DQX1: variants seen among roughly 807,000 people sequenced by gnomAD.
The protein encoded by DQX1 is ATP-dependent RNA helicase homolog DQX1.
A neutral mutation model predicts 81.3 loss-of-function variants in DQX1; 66 were observed. The observed-to-expected ratio is 0.81, with a 90% confidence interval of 0.67 to 1.00. The LOEUF (loss-of-function observed/expected upper bound fraction) is 1.00, where lower values mean the gene tolerates loss of function less well. DQX1 is among the 50% of genes least tolerant of loss of function. The pLI is 0.00. For missense variants in DQX1, 798 were observed against 867.9 expected, an observed-to-expected ratio of 0.92 and a Z score of 1.01; for synonymous variants, 290 against 350.0, an observed-to-expected ratio of 0.83 and a Z score of 1.91.
In DQX1 at chr2:74,519,677, A is replaced by T. The variant is rs764526320; in HGVS notation, c.1685T>A (p.Leu562His). 6.2e-7 allele frequency: 1 copy of T among 1,614,192 alleles called. No individual in the cohort carries two copies. The highest frequency in any genetic ancestry group is 8.5e-7 in the Non-Finnish European group (1 of 1,180,030). The change falls in exon 10 of 12, where the codon CTT becomes CAT. Residue 562 changes from leucine to histidine, a missense_variant. Coordinates refer to ENST00000404568, the MANE Select transcript of DQX1 (RefSeq NM_133637.3). Reference sequence around the variant, plus strand: ...CATGAGTTCTAGGAGTTCTCCCCGAAGTTTATGGGCTTGGCACAATGCTGC... The same window carrying T: ...CATGAGTTCTAGGAGTTCTCCCCGATGTTTATGGGCTTGGCACAATGCTGC... ...NWAALCQAHK[L>H]RGELLELMQR...
At position 74,522,852 on chromosome 2, in the gene DQX1, T is replaced by C. The variant is rs1329394882; in HGVS notation, c.1303+4A>G. ...GGCAGTGCTTGGGCAGGAGAGGTGCTCACCAGGCTGGTCCAGGAAGTGACA... is the reference window on the plus strand; with the variant it reads ...GGCAGTGCTTGGGCAGGAGAGGTGCCCACCAGGCTGGTCCAGGAAGTGACA... On this transcript the variant is annotated splice_donor_region_variant and intron_variant, in intron 7 of 11. Coordinates refer to ENST00000404568, the MANE Select transcript of DQX1 (RefSeq NM_133637.3). The C allele has an allele frequency of 6.2e-7, 1 of 1,612,948 alleles. No homozygotes were observed. The highest frequency in any genetic ancestry group is 8.5e-7 in the Non-Finnish European group (1 of 1,179,124).
chr2:74,524,450 A>G (rs1675120099), intron 3 of DQX1, 143 bp from the exon 4 acceptor site: 2 of 1,201,634 alleles, frequency 1.7e-6, no homozygotes, highest in Middle Eastern at 2.9e-4. Flanking sequence ...CTATGGACCC[A>G]TAACTGTCAC....
chr2:74,523,136 G>C lies in DQX1; in HGVS notation c.1127C>G (p.Ala376Gly). 1 of 1,614,186 alleles carries C rather than the reference G, an allele frequency of 6.2e-7. No homozygotes were observed. The highest frequency in any genetic ancestry group is 1.1e-5 in the South Asian group (1 of 91,086). Residue 376 changes from alanine (A) to glycine (G), a missense_variant, in exon 6 of 12, where the codon GCA (alanine) becomes GGA (glycine). Physicochemically the swap from Ala to Gly is moderately conservative, Grantham distance 60. Transcript: ENST00000404568. The part of the protein sequence containing the change: ...KCQAEARRLR[A>G]RGFPPGSCLC... The stretch of plus-strand genomic sequence containing the variant: ...GCTCTTACCTGGTGGGAACCCTCTT[G>C]CTCGCAATCGTCTTGCCTCTGCCTG...
chr2:74,523,751 A>G, intron 4 of DQX1, 172 bp downstream of exon 4: 1 of 1,142,868 alleles, frequency 8.7e-7, no homozygotes, highest in Non-Finnish European at 1.2e-6. Flanking sequence ...CTTTACCCTG[A>G]AATCCTCAAG....
Position 74,525,631 on chromosome 2 carries a change from G to A in DQX1, c.99C>T (p.Ser33=), listed in dbSNP as rs1161626565. The A allele has an allele frequency of 1.3e-6, 2 of 1,551,780 alleles. No individual in the cohort carries two copies. The highest frequency in any genetic ancestry group is 2.4e-5 in the East Asian group (1 of 40,920). The part of the protein sequence containing the change: ...VNPFDGLPFS[S]RYYELLKQRQ... Reference sequence around the variant, plus strand: ...GCTGCTTCAGCAGCTCATAGTAGCGGGAAGAGAAGGGAAGCCCATCAAAGG... The same window carrying A: ...GCTGCTTCAGCAGCTCATAGTAGCGAGAAGAGAAGGGAAGCCCATCAAAGG... Residue 33 remains serine (S), a synonymous_variant, in exon 2 of 12, where the codon TCC becomes TCT. Coordinates refer to ENST00000404568, the MANE Select transcript of DQX1 (RefSeq NM_133637.3). The surrounding 1 kb of genome is among the most constrained non-coding windows in gnomAD (Gnocchi z 4.1).
At chr2:74,524,690 G>A (rs1675126084) in intron 3 of DQX1, among the ~76,000 whole-genome samples, 1 of 152,110 alleles carries the variant, frequency 6.6e-6, no homozygotes, top group Non-Finnish European at 1.5e-5. Flanking sequence ...CTTGAGCCCA[G>A]GAGTTTGAGA....
rs1674936213 is a variant in DQX1, at chr2:74,518,144, A to T, written c.*302T>A. The stretch of plus-strand genomic sequence containing the variant: ...CCAAACTAAAACTTGGCATCATAGA[A>T]AAATCTTTTATAGATCACAAGGGAG... On this transcript the variant is annotated 3_prime_UTR_variant, in exon 12 of 12. Coordinates refer to ENST00000404568, the MANE Select transcript of DQX1 (RefSeq NM_133637.3). 7.0e-6 allele frequency: 2 copies of T among 284,808 alleles called. No individual in the cohort carries two copies. Among genetic ancestry groups the T allele is most frequent in the Middle Eastern group, 1.0e-3 (1 of 980 alleles). 17.6% of individuals were successfully genotyped at this position (284,808 alleles called of 1,614,324 possible).
chr2:74,522,436 T>C, intron 8 of DQX1, 144 bp downstream of exon 8: 1 of 934,998 alleles, frequency 1.1e-6, no homozygotes, highest in East Asian at 2.6e-5. Context: ...AAGAGGGAGA[T>C]GGGTGACTAA....
rs753784679 is a variant in DQX1, at chr2:74,522,822, C to T, written c.1303+34G>A. The T allele has an allele frequency of 3.1e-6, 5 of 1,612,202 alleles. No individual in the cohort carries two copies. The East Asian group carries it at 1.1e-4, about 36-fold the overall frequency. On this transcript the variant is annotated intron_variant, in intron 7 of 11. Coordinates refer to ENST00000404568, the MANE Select transcript of DQX1 (RefSeq NM_133637.3). ...ATATGAAGTTTCAGAACTGGGTGGT[C>T]AGATGGCAGTGCTTGGGCAGGAGAG... is the stretch of plus-strand genomic sequence containing the variant.
chr2:74,524,363 A>G, intron 3 of DQX1, 56 bp from the exon 4 acceptor site: 1 of 1,547,070 alleles, frequency 6.5e-7, no homozygotes. Context: ...CAGCCCCACA[A>G]GCTCAGGGAA....
Position 74,518,470 on chromosome 2 carries a change from GAACTCC to G in DQX1, c.2124_2129del (p.Gln708_Phe710delinsHis). The G allele has an allele frequency of 2.5e-6, 4 of 1,614,218 alleles. No homozygotes were observed. The highest frequency in any genetic ancestry group is 3.4e-6 in the Non-Finnish European group (4 of 1,180,044). ...GTCACTGCAGGACACAGGGATCTCT[GAACTCC>G]TGGGCTGAGGATGATTTGCTCCCTG... On this transcript the variant is annotated inframe_deletion, in exon 12 of 12. Transcript: ENST00000404568.
chr2:74,518,734 A>G, intron 11 of DQX1, 132 bp from the exon 12 acceptor site: 1 of 885,350 alleles, frequency 1.1e-6, no homozygotes, highest in Non-Finnish European at 1.7e-6. Flanking sequence ...GTAGCCTTAG[A>G]CTCCCGTAAT....
chr2:74,523,402 G>C lies in DQX1; in HGVS notation c.952C>G (p.Arg318Gly), dbSNP rs573451528. ...VQAVYEDMDA[R>G]KVVVTHWLAD... ...AGCCAGTGAGTGACCACAACCTTTCGGGCATCCATGTCCTCATACACAGCC... is the reference window on the plus strand; with the variant it reads ...AGCCAGTGAGTGACCACAACCTTTCCGGCATCCATGTCCTCATACACAGCC... The change falls in exon 5 of 12, where the codon CGA becomes GGA. Residue 318 changes from arginine to glycine, a missense_variant. Coordinates refer to ENST00000404568, the MANE Select transcript of DQX1 (RefSeq NM_133637.3). The C allele has an allele frequency of 1.2e-6, 2 of 1,614,110 alleles. No homozygotes were observed. The highest frequency in any genetic ancestry group is 1.7e-5 in the Admixed American group (1 of 60,016).
chr2:74,525,174 A>G lies in DQX1; in HGVS notation c.266T>C (p.Leu89Pro), dbSNP rs1675139995. ...CTGTCCTTTCTGGAACCCTCTGGCC[A>G]GCGCAAACTCTGCACACCACTGAGG... ...QIPQWCAEFA[L>P]ARGFQKGQVT... The change falls in exon 3 of 12, where the codon CTG becomes CCG. Residue 89 changes from leucine (L) to proline (P), a missense_variant. By Grantham distance (98) the Leu-to-Pro change is moderately conservative. Coordinates refer to ENST00000404568, the MANE Select transcript of DQX1 (RefSeq NM_133637.3). This position sits in a 1 kb window ranked among gnomAD's most constrained non-coding sequence, Gnocchi z 4.1. The G allele has an allele frequency of 1.2e-6, 2 of 1,601,156 alleles. No homozygotes were observed. Among genetic ancestry groups the G allele is most frequent in the Non-Finnish European group, 8.5e-7 (1 of 1,172,512 alleles).
At position 74,525,546 on chromosome 2, in the gene DQX1, G is replaced by T; in HGVS notation, c.184C>A (p.Pro62Thr). 6.4e-7 allele frequency: 1 copy of T among 1,552,210 alleles called. No individual in the cohort carries two copies. The highest frequency in any genetic ancestry group is 8.7e-7 in the Non-Finnish European group (1 of 1,147,096). ...CCAGACACCAGCACCACTCCAGTGGGGTTACTCTCCAACTGCTCCAAGAAG... is the reference window on the plus strand; with the variant it reads ...CCAGACACCAGCACCACTCCAGTGGTGTTACTCTCCAACTGCTCCAAGAAG... ...FTFLEQLESN[P>T]TGVVLVSGEP... Residue 62 changes from proline to threonine, a missense_variant, in exon 2 of 12, where the codon CCC becomes ACC. Pro to Thr is a conservative substitution (Grantham distance 38). Coordinates refer to ENST00000404568, the MANE Select transcript of DQX1 (RefSeq NM_133637.3). This position sits in a 1 kb window ranked among gnomAD's most constrained non-coding sequence, Gnocchi z 4.1.
chr2:74,525,335 C>A lies in DQX1; in HGVS notation c.238-133G>T. ...CTGGTCTTTCACCAGCCTCCAGGGCCAACCTAACCCATCCCATCTCTCTTC... is the reference window on the plus strand; with the variant it reads ...CTGGTCTTTCACCAGCCTCCAGGGCAAACCTAACCCATCCCATCTCTCTTC... On this transcript the variant is annotated intron_variant, in intron 2 of 11. Transcript: ENST00000404568. The surrounding 1 kb of genome is among the most constrained non-coding windows in gnomAD (Gnocchi z 4.1). The A allele has an allele frequency of 8.1e-7, 1 of 1,240,296 alleles. No homozygotes were observed. The highest frequency in any genetic ancestry group is 1.1e-6 in the Non-Finnish European group (1 of 907,068). The allele number at this position is 1,240,296 out of a possible 1,614,324, so 76.8% of individuals were successfully genotyped here.
In DQX1 at chr2:74,523,000, G is replaced by C. The variant is rs1226255523; in HGVS notation, c.1159C>G (p.Leu387Val). ...AGTTCTAAGAAGGACTTAGGATACA[G>C]GCAGAGGCAGGATCCTGAGGGGAAA... is the stretch of plus-strand genomic sequence containing the variant. ...RGFPPGSCLCLYPKSFLELEA... is the reference protein window; with the variant it reads ...RGFPPGSCLCVYPKSFLELEA... Residue 387 changes from leucine (L) to valine (V), a missense_variant, in exon 7 of 12, where the codon CTG becomes GTG. Physicochemically the swap from Leu to Val is conservative, Grantham distance 32. Transcript: ENST00000404568. 7 of 1,614,164 alleles carry C rather than the reference G, an allele frequency of 4.3e-6. No individual in the cohort carries two copies. Among genetic ancestry groups the C allele is most frequent in the Non-Finnish European group, 5.1e-6 (6 of 1,180,022 alleles).
chr2:74,523,437 C>A lies in DQX1; in HGVS notation c.917G>T (p.Arg306Leu). ...RVLPLHPDCG[R>L]AVQAVYEDMD... ...GTCCTCATACACAGCCTGAACGGCTCGTCCACAGTCTGGGTGAAGGGGCAG... is the reference window on the plus strand; with the variant it reads ...GTCCTCATACACAGCCTGAACGGCTAGTCCACAGTCTGGGTGAAGGGGCAG... The change falls in exon 5 of 12, where the codon CGA becomes CTA. Residue 306 changes from arginine (R) to leucine (L), a missense_variant. Transcript: ENST00000404568. The A allele has an allele frequency of 1.2e-6, 2 of 1,614,140 alleles. No individual in the cohort carries two copies. The highest frequency in any genetic ancestry group is 2.2e-5 in the East Asian group (1 of 44,878).
rs1675154524 is a variant in DQX1 at position 74,525,548 on chromosome 2, T to A, written c.182A>T (p.Asn61Ile). 6 of 1,552,116 alleles carry A rather than the reference T, an allele frequency of 3.9e-6. No homozygotes were observed. The highest frequency in any genetic ancestry group is 5.2e-6 in the Non-Finnish European group (6 of 1,147,096). ...RFTFLEQLES[N>I]PTGVVLVSGE... ...AGACACCAGCACCACTCCAGTGGGG[T>A]TACTCTCCAACTGCTCCAAGAAGGT... Residue 61 changes from asparagine (N) to isoleucine (I), a missense_variant, in exon 2 of 12, where the codon AAC becomes ATC. Transcript: ENST00000404568. This position sits in a 1 kb window ranked among gnomAD's most constrained non-coding sequence, Gnocchi z 4.1.
Sources: gnomAD v4.1 joint callset for allele counts (sites outside exome capture counted in the v4.1 genomes callset) on GRCh38, gnomAD v4.1.1 for gene constraint, Gnocchi (gnomAD v3.1) non-coding constraint, MANE v1.5 for transcripts, NCBI Gene and HGNC (gene_info 2026-07-23, HGNC 2026-07-21) for gene names.